Variants in TECR observed in about 807,000 individuals in gnomAD.
The protein encoded by TECR is very-long-chain enoyl-CoA reductase.
Under a neutral mutation model 50.6 loss-of-function variants are expected in TECR, and 19 were observed. The ratio of observed to expected loss-of-function variants is 0.38; its 90% CI spans 0.26 to 0.55. The LOEUF (loss-of-function observed/expected upper bound fraction) is 0.55, where lower values mean the gene tolerates loss of function less well. TECR is among the 20% of genes least tolerant of loss of function. The probability of loss-of-function intolerance (pLI) is 0.79; values close to 1 mark genes in which losing one functional copy is unlikely to be tolerated. For synonymous variants in TECR, 168 were observed against 163.5 expected (o/e 1.03, Z -0.21); for missense variants, 313 against 408.3 (o/e 0.77, Z 2.01).
chr19:14,565,035 C>T (rs776154572), intron 9 of TECR, 31 bp from the exon 10 acceptor site: 24 of 1,613,856 alleles, frequency 1.5e-5, no homozygotes, highest in Non-Finnish European at 2.0e-5. Context: ...GGAGTCTGGG[C>T]GGCCCTAGGC....
At chr19:14,534,496 T>G (rs1439831658) in intron 1 of TECR, among the ~76,000 whole-genome samples, 1 of 134,564 alleles carries the variant, frequency 7.4e-6, no homozygotes, top group Non-Finnish European at 1.5e-5. Flanking sequence ...AGTGCAGTGA[T>G]GTGATCTCAC....
chr19:14,547,930 C>A (rs2073360603), intron 1 of TECR, among the ~76,000 whole-genome samples: 1 of 151,536 alleles, frequency 6.6e-6, no homozygotes, highest in Admixed American at 6.6e-5. Context: ...CCTGCCTTGG[C>A]CTCCCAACCA....
upstream of TECR, chr19:14,529,144 C>G (rs138755994): frequency 7.2e-3 from 1,328 of 185,290 alleles, 4 homozygotes; most frequent in Middle Eastern, 0.034. Flanking sequence ...AACCAGACTC[C>G]GCAGCCCGCG....
chr19:14,539,105 C>G (rs547502176), intron 1 of TECR, among the ~76,000 whole-genome samples: 1 of 148,184 alleles, frequency 6.7e-6, no homozygotes, highest in Non-Finnish European at 1.5e-5. Context: ...TCCTGAGTAG[C>G]TGGGACTACA....
At chr19:14,556,324 C>G (rs1677013860) in intron 1 of TECR, among the ~76,000 whole-genome samples, 1 of 152,002 alleles carries the variant, frequency 6.6e-6, no homozygotes, top group South Asian at 2.1e-4. Flanking sequence ...TCTCTGACCA[C>G]TCTCAAATGG....
intron 1 of TECR, among the ~76,000 whole-genome samples, chr19:14,544,372 A>G (rs1171693137): frequency 6.6e-6 from 1 of 151,960 alleles, no homozygotes. Context: ...TGTATGTTTG[A>G]TAGAGGCCAC....
intron 1 of TECR, chr19:14,531,278 T>C (rs938843075): frequency 6.6e-6 from 1 of 151,778 alleles, no homozygotes; most frequent in Non-Finnish European, 1.5e-5. Flanking sequence ...CTCAAGTGAT[T>C]TGCCCTCCTC....
Position 14,564,166 on chromosome 19 carries a change from T to C in TECR, c.384-16T>C, listed in dbSNP as rs771769367. 4 of 1,606,074 alleles carry C rather than the reference T, an allele frequency of 2.5e-6. No individual in the cohort carries two copies. The East Asian group carries it at 8.9e-5, about 36-fold the overall frequency. Reference sequence around the variant, plus strand: ...CTGCCGGACCAGCCCCAGCTGAGCCTGCTCCCCCCGACCAGCCTCGCCTGC... The same window carrying C: ...CTGCCGGACCAGCCCCAGCTGAGCCCGCTCCCCCCGACCAGCCTCGCCTGC... On this transcript the variant is annotated splice_polypyrimidine_tract_variant and intron_variant, in intron 6 of 12. Transcript: ENST00000215567.
chr19:14,541,267 G>A (rs893650225), intron 1 of TECR, among the ~76,000 whole-genome samples: 11 of 152,258 alleles, frequency 7.2e-5, no homozygotes, highest in African/African-American at 2.2e-4. Context: ...GTATGCCACC[G>A]TGCCTGGCTG....
chr19:14,559,156 C>T (rs1253209530), intron 1 of TECR, among the ~76,000 whole-genome samples: 1 of 152,112 alleles, frequency 6.6e-6, no homozygotes, highest in South Asian at 2.1e-4. Flanking sequence ...GTTTGTTACC[C>T]CTCACCCCTT....
intron 1 of TECR, among the ~76,000 whole-genome samples, chr19:14,546,941 C>CT (rs1568410277): frequency 6.6e-6 from 1 of 152,152 alleles, no homozygotes; most frequent in Non-Finnish European, 1.5e-5. Context: ...CTGATCTGCC[C>CT]GCCTTGGCCT....
At chr19:14,533,986 T>C (rs1172856373) in intron 1 of TECR, 1 of 152,124 alleles carries the variant, frequency 6.6e-6, no homozygotes, top group African/African-American at 2.4e-5. Context: ...CTACTACATC[T>C]TGTAATTGAG....
intron 1 of TECR, among the ~76,000 whole-genome samples, chr19:14,558,482 C>T (rs984670319): frequency 3.3e-5 from 5 of 152,162 alleles, no homozygotes; most frequent in African/African-American, 4.8e-5. Context: ...CGTGCTGCGA[C>T]GAGTTGCTGT....
intron 1 of TECR, among the ~76,000 whole-genome samples, chr19:14,534,326 G>A (rs1210511993): frequency 6.2e-5 from 9 of 146,240 alleles, no homozygotes; most frequent in Admixed American, 2.1e-4. Context: ...AGGTTTCACC[G>A]TGTTAGCCAG....
intron 1 of TECR, chr19:14,531,753 A>G (rs1296557498): frequency 6.6e-6 from 1 of 152,146 alleles, no homozygotes; most frequent in Non-Finnish European, 1.5e-5. Context: ...AAATCCTGTA[A>G]TTTTTGACAT....
rs780277252 is a variant in TECR, at chr19:14,563,686, C to G, written c.147C>G (p.Ser49=). Residue 49 remains serine, a synonymous_variant, in exon 4 of 13, where the codon TCC becomes TCG. Transcript: ENST00000215567. The surrounding 1 kb of genome is among the most constrained non-coding windows in gnomAD (Gnocchi z 5.3). ...THPQWYPARQ[S]LRLDPKGKSL... ...CGCAGTGGTACCCCGCCCGCCAGTC[C>G]CTCCGCCTGGACCCCAGTGAGTACA... 2 of 1,613,060 alleles carry G rather than the reference C, an allele frequency of 1.2e-6. No individual in the cohort carries two copies. Among genetic ancestry groups the G allele is most frequent in the Non-Finnish European group, 1.7e-6 (2 of 1,179,890 alleles).
chr19:14,539,493 C>T (rs561326744), intron 1 of TECR, among the ~76,000 whole-genome samples: 3 of 152,142 alleles, frequency 2.0e-5, no homozygotes, highest in South Asian at 2.1e-4. Context: ...GTTCCTGCTC[C>T]CTCCTAGCTG....
chr19:14,558,734 C>T (rs1332868310), intron 1 of TECR, among the ~76,000 whole-genome samples: 2 of 152,170 alleles, frequency 1.3e-5, no homozygotes, highest in Non-Finnish European at 2.9e-5. Flanking sequence ...CACAGGTATC[C>T]CTTCATCCAC....
In TECR at chr19:14,563,745, G is replaced by A. The variant is rs558411117; in HGVS notation, c.163+43G>A. The A allele has an allele frequency of 7.4e-6, 12 of 1,612,910 alleles. No homozygotes were observed. The highest frequency in any genetic ancestry group is 9.3e-6 in the Non-Finnish European group (11 of 1,179,848). On this transcript the variant is annotated intron_variant, in intron 4 of 12. Transcript: ENST00000215567. This position sits in a 1 kb window ranked among gnomAD's most constrained non-coding sequence, Gnocchi z 5.3. ...CTCGGCCCGCCCCCTGGGCTCCTGGGTGGCAGTGGGAGAAGGCCCGGGTAG... is the reference window on the plus strand; with the variant it reads ...CTCGGCCCGCCCCCTGGGCTCCTGGATGGCAGTGGGAGAAGGCCCGGGTAG...
Sources: allele counts gnomAD v4.1 joint callset (sites outside exome capture counted in the v4.1 genomes callset), GRCh38; gene constraint gnomAD v4.1.1; non-coding constraint Gnocchi (gnomAD v3.1); transcripts MANE v1.5; gene names NCBI Gene and HGNC (gene_info 2026-07-23, HGNC 2026-07-21).